The following RMDN2 variants were observed in gnomAD, a reference collection of about 807,000 sequenced individuals.
RMDN2 encodes regulator of microtubule dynamics 2.
RMDN2 carries 61 observed loss-of-function variants against 52.8 expected under a neutral mutation model. The ratio of observed to expected loss-of-function variants is 1.16; its 90% CI spans 0.94 to 1.43. The LOEUF is 1.43. RMDN2 is among the 40% of genes most tolerant of loss of function. The probability of loss-of-function intolerance (pLI) is 0.00; values close to 1 mark genes in which losing one functional copy is unlikely to be tolerated. For synonymous variants in RMDN2, 180 were observed against 153.1 expected (o/e 1.18, Z -1.30); for missense variants, 592 against 475.3 (o/e 1.25, Z -2.28).
intron 2 of RMDN2, among the ~76,000 whole-genome samples, chr2:37,931,107 A>C (rs1285942796): frequency 1.3e-5 from 2 of 151,960 alleles, no homozygotes; most frequent in African/African-American, 4.8e-5. Flanking sequence ...TTTTAAAACC[A>C]GTCAACAACT....
intron 10 of RMDN2, among the ~76,000 whole-genome samples, chr2:38,004,501 C>G (rs1473525657): frequency 6.6e-6 from 1 of 152,106 alleles, no homozygotes; most frequent in Admixed American, 6.5e-5. Flanking sequence ...GAGATCCACT[C>G]TCTTAGCAAA....
chr2:38,024,319 T>C (rs7604914), intron 10 of RMDN2, among the ~76,000 whole-genome samples: 45,556 of 152,070 alleles, frequency 0.3, 7,501 homozygotes, highest in East Asian at 0.67. Flanking sequence ...GTAGGAAGTA[T>C]GGTAGATGTA....
intron 10 of RMDN2, among the ~76,000 whole-genome samples, chr2:38,038,950 C>A (rs1399923170): frequency 6.6e-6 from 1 of 151,888 alleles, no homozygotes; most frequent in East Asian, 1.9e-4. Context: ...GGCAGCCAAA[C>A]AGGGAAGGGT....
chr2:38,047,268 G>C (rs1190869984), intron 10 of RMDN2, among the ~76,000 whole-genome samples: 1 of 152,104 alleles, frequency 6.6e-6, no homozygotes, highest in Admixed American at 6.6e-5. Flanking sequence ...AGGTAAATAC[G>C]TAAGTAAAAA....
intron 2 of RMDN2, among the ~76,000 whole-genome samples, chr2:37,964,394 G>C (rs1330385971): frequency 6.6e-6 from 1 of 152,124 alleles, no homozygotes; most frequent in East Asian, 1.9e-4. Flanking sequence ...ATTTTCATTT[G>C]ACTCAAGATG....
downstream of RMDN2, among the ~76,000 whole-genome samples, chr2:38,021,483 C>T (rs1029142692): frequency 2.0e-4 from 30 of 152,188 alleles, no homozygotes; most frequent in Admixed American, 1.4e-3. Context: ...TAACACTCAC[C>T]GCGAAGGTCT....
chr2:37,979,763 A>G (rs1021853182), intron 4 of RMDN2, among the ~76,000 whole-genome samples: 2 of 152,072 alleles, frequency 1.3e-5, no homozygotes, highest in African/African-American at 4.8e-5. Flanking sequence ...GCGTCTTTTT[A>G]TATTCTTGGA....
At chr2:37,969,683 A>C (rs1671537925) in intron 2 of RMDN2, among the ~76,000 whole-genome samples, 1 of 152,010 alleles carries the variant, frequency 6.6e-6, no homozygotes, top group African/African-American at 2.4e-5. Flanking sequence ...ATATTGTGCC[A>C]AAAAGACTTC....
At chr2:37,942,176 C>T (rs1280523344) in intron 2 of RMDN2, among the ~76,000 whole-genome samples, 1 of 152,150 alleles carries the variant, frequency 6.6e-6, no homozygotes, top group East Asian at 1.9e-4. Flanking sequence ...ACCCCTTGCA[C>T]TTCCTGGGTG....
At chr2:38,004,072 G>C (rs1257819844) in intron 9 of RMDN2, 28 bp downstream of exon 9, 1 of 1,608,328 alleles carries the variant, frequency 6.2e-7, no homozygotes, top group South Asian at 1.1e-5. Context: ...TCTGCTTTAA[G>C]ATCACTTTGA....
At chr2:38,065,846 G>A (rs939193424) in intron 10 of RMDN2, among the ~76,000 whole-genome samples, 2 of 152,216 alleles carry the variant, frequency 1.3e-5, no homozygotes, top group African/African-American at 4.8e-5. Flanking sequence ...TTTGCCTAAA[G>A]AACAGTTTAA....
intron 2 of RMDN2, chr2:37,950,002 A>G (rs1442054329): frequency 1.2e-5 from 2 of 172,452 alleles, no homozygotes; most frequent in Non-Finnish European, 2.5e-5. Context: ...GCCAAGGTGA[A>G]CGATGCTTGT....
chr2:37,971,594 A>G (rs532051668), intron 2 of RMDN2, among the ~76,000 whole-genome samples: 2 of 151,974 alleles, frequency 1.3e-5, no homozygotes, highest in African/African-American at 2.4e-5. Context: ...AGAGATAACA[A>G]TTTTTCCCAT....
chr2:38,017,394 G>A lies in RMDN2; in HGVS notation c.*155G>A, dbSNP rs908014029. ...TTCTGCAGAATGCATTCCACTAGTAGCACTACAAAATTAATTATGTTATTT... is the reference window on the plus strand; with the variant it reads ...TTCTGCAGAATGCATTCCACTAGTAACACTACAAAATTAATTATGTTATTT... On this transcript the variant is annotated 3_prime_UTR_variant, in exon 11 of 11. Coordinates refer to ENST00000354545, the MANE Select transcript of RMDN2 (RefSeq NM_001170791.3). 15 of 1,363,742 alleles carry A rather than the reference G, an allele frequency of 1.1e-5. No homozygotes were observed. The highest frequency in any genetic ancestry group is 1.4e-5 in the Non-Finnish European group (15 of 1,047,220). 84.5% of individuals were successfully genotyped at this position (1,363,742 alleles called of 1,614,324 possible). A position where few individuals can be genotyped will look rare whatever the true frequency, so the allele number is the denominator to read the frequency against.
intron 2 of RMDN2, among the ~76,000 whole-genome samples, chr2:37,972,857 C>T (rs557923522): frequency 8.5e-5 from 13 of 152,228 alleles, no homozygotes; most frequent in African/African-American, 2.6e-4. Flanking sequence ...TTGGTTTGAG[C>T]AATTGGAAGA....
intron 10 of RMDN2, among the ~76,000 whole-genome samples, chr2:38,016,189 T>C (rs1325658723): frequency 1.3e-5 from 2 of 152,222 alleles, no homozygotes; most frequent in African/African-American, 4.8e-5. Flanking sequence ...CGGCATCAGA[T>C]TCATATGTGG....
chr2:38,043,073 C>T (rs1363727212), intron 10 of RMDN2, among the ~76,000 whole-genome samples: 1 of 152,114 alleles, frequency 6.6e-6, no homozygotes, highest in East Asian at 1.9e-4. Context: ...TTTTATCAGT[C>T]TGTTGTTGAA....
At chr2:37,983,929 A>C (rs1426149870) in intron 5 of RMDN2, among the ~76,000 whole-genome samples, 6 of 152,184 alleles carry the variant, frequency 3.9e-5, no homozygotes, top group African/African-American at 1.4e-4. Context: ...ACACACAGGC[A>C]TTTTTGCACA....
intron 10 of RMDN2, among the ~76,000 whole-genome samples, chr2:38,016,382 T>A (rs1042548020): frequency 1.3e-5 from 2 of 152,184 alleles, no homozygotes; most frequent in African/African-American, 4.8e-5. Context: ...ATAAATGTAA[T>A]GAATGTAGGA....
Sources: gnomAD v4.1 joint callset for allele counts (sites outside exome capture counted in the v4.1 genomes callset) on GRCh38, gnomAD v4.1.1 for gene constraint, MANE v1.5 for transcripts, NCBI Gene and HGNC (gene_info 2026-07-23, HGNC 2026-07-21) for gene names.